PTPRA: variants seen among roughly 807,000 people sequenced by gnomAD.
The protein encoded by PTPRA is protein tyrosine phosphatase receptor type A.
In PTPRA, 25 loss-of-function variants were observed where a neutral mutation model predicts 104.8. The observed-to-expected ratio is 0.24, with a 90% CI of 0.17 to 0.33. PTPRA has a LOEUF of 0.33. PTPRA is among the 10% of genes least tolerant of loss of function. The probability of loss-of-function intolerance (pLI) is 1.00; values close to 1 mark genes in which losing one functional copy is unlikely to be tolerated. For synonymous variants in PTPRA, 323 were observed against 368.9 expected, an observed-to-expected ratio of 0.88 and a Z score of 1.43; for missense variants, 765 against 1,015.3, an observed-to-expected ratio of 0.75 and a Z score of 3.35.
chr20:2,973,611 A>G (rs1014376772), intron 5 of PTPRA, among the ~76,000 whole-genome samples: 2 of 152,168 alleles, frequency 1.3e-5, no homozygotes, highest in African/African-American at 2.4e-5. Flanking sequence ...GGTTAGAGAT[A>G]GTTCTCACCA....
chr20:2,949,262 C>G (rs1273273421), intron 3 of PTPRA, among the ~76,000 whole-genome samples: 1 of 151,318 alleles, frequency 6.6e-6, no homozygotes, highest in Non-Finnish European at 1.5e-5. Flanking sequence ...CAAAGTTACC[C>G]TGTTATTTCC....
chr20:2,918,111 C>CA (rs2059973835), intron 1 of PTPRA, among the ~76,000 whole-genome samples: 1 of 142,536 alleles, frequency 7.0e-6, no homozygotes, highest in African/African-American at 2.6e-5. Context: ...AAAAAAAAGA[C>CA]AGTGTTTTTT....
At position 3,038,295 on chromosome 20, in the gene PTPRA, T is replaced by TA. The variant is rs1299913356; in HGVS notation, c.*162_*163insA. 2 of 604,378 alleles carry TA rather than the reference T, an allele frequency of 3.3e-6. No homozygotes were observed. The highest frequency in any genetic ancestry group is 5.8e-6 in the Non-Finnish European group (2 of 346,722). The allele number at this position is 604,378 out of a possible 1,614,324, so 37.4% of individuals were successfully genotyped here. On this transcript the variant is annotated 3_prime_UTR_variant, in exon 24 of 24. Coordinates refer to ENST00000399903, the MANE Select transcript of PTPRA (RefSeq NM_001385305.1). Reference sequence around the variant, plus strand: ...GGTGGAAATTTTATATGTAAATGTGTTAGCACTGATAGTCCTTTTTCCAAT... The same window carrying TA: ...GGTGGAAATTTTATATGTAAATGTGTATAGCACTGATAGTCCTTTTTCCAAT...
intron 3 of PTPRA, among the ~76,000 whole-genome samples, chr20:2,957,260 G>A (rs1382293638): frequency 4.6e-5 from 7 of 152,192 alleles, no homozygotes; most frequent in Non-Finnish European, 8.8e-5. Context: ...ATTCGAGCCT[G>A]GGCGACAGAG....
intron 5 of PTPRA, among the ~76,000 whole-genome samples, chr20:2,974,650 G>A (rs1187445620): frequency 6.6e-6 from 1 of 152,006 alleles, no homozygotes; most frequent in Non-Finnish European, 1.5e-5. Flanking sequence ...GGCTGGTCTC[G>A]AACTCCTGAC....
rs936561045 is a variant in PTPRA at position 2,964,905 on chromosome 20, G to A, written c.118G>A (p.Ala40Thr). ...GITRLINSST[A>T]EPVKEEAKTS... ...TACAAGATTAATTAACTCATCAACG[G>A]CAGAACCAGTTAAAGAAGAGGCCAA... The change falls in exon 5 of 24, where the codon GCA becomes ACA. Residue 40 changes from alanine to threonine, a missense_variant. Ala to Thr is a moderately conservative substitution (Grantham distance 58). Coordinates refer to ENST00000399903, the MANE Select transcript of PTPRA (RefSeq NM_001385305.1). The A allele has an allele frequency of 6.2e-7, 1 of 1,614,026 alleles. No homozygotes were observed. The highest frequency in any genetic ancestry group is 8.5e-7 in the Non-Finnish European group (1 of 1,179,958).
chr20:2,894,938 G>C (rs535050084), intron 1 of PTPRA, among the ~76,000 whole-genome samples: 15 of 146,002 alleles, frequency 1.0e-4, no homozygotes, highest in African/African-American at 3.8e-4. Flanking sequence ...AGTGAGCAGA[G>C]ATCACGTCAC....
intron 6 of PTPRA, among the ~76,000 whole-genome samples, chr20:2,984,072 A>G (rs1253943419): frequency 6.6e-6 from 1 of 151,902 alleles, no homozygotes; most frequent in Non-Finnish European, 1.5e-5. Context: ...CTAAGAGAGG[A>G]AAGTGCTTCA....
chr20:2,929,576 G>A (rs751286002), intron 2 of PTPRA, among the ~76,000 whole-genome samples: 1 of 152,090 alleles, frequency 6.6e-6, no homozygotes, highest in Non-Finnish European at 1.5e-5. Flanking sequence ...TGTAATCTTA[G>A]TACTTTGGGT....
At chr20:2,899,367 C>A (rs577394647) in intron 1 of PTPRA, among the ~76,000 whole-genome samples, 1 of 152,086 alleles carries the variant, frequency 6.6e-6, no homozygotes, top group Non-Finnish European at 1.5e-5. Context: ...AAACAGCAGG[C>A]GCACCATACT....
At chr20:2,878,317 A>T (rs2089856789) in intron 1 of PTPRA, among the ~76,000 whole-genome samples, 1 of 152,078 alleles carries the variant, frequency 6.6e-6, no homozygotes, top group Non-Finnish European at 1.5e-5. Flanking sequence ...GGGCTAAATG[A>T]TCTTCCCATC....
intron 6 of PTPRA, among the ~76,000 whole-genome samples, chr20:2,986,126 C>T (rs1345389987): frequency 1.4e-4 from 21 of 152,072 alleles, no homozygotes; most frequent in African/African-American, 2.4e-5. Flanking sequence ...AGGCTGGTCT[C>T]GAATACCTTG....
chr20:2,984,301 A>G (rs1335501110), intron 6 of PTPRA, among the ~76,000 whole-genome samples: 3 of 152,178 alleles, frequency 2.0e-5, no homozygotes, highest in Non-Finnish European at 4.4e-5. Context: ...TCCCCACGAA[A>G]GGACCCAGTG....
chr20:3,032,090 C>A (rs914640409), intron 20 of PTPRA, among the ~76,000 whole-genome samples: 5 of 152,232 alleles, frequency 3.3e-5, no homozygotes, highest in Non-Finnish European at 5.9e-5. Flanking sequence ...ATCATACTCA[C>A]ACCTTAGCTT....
intron 6 of PTPRA, among the ~76,000 whole-genome samples, chr20:2,985,545 G>A (rs1600214808): frequency 6.6e-6 from 1 of 152,062 alleles, no homozygotes; most frequent in South Asian, 2.1e-4. Flanking sequence ...GAGTGGAGGC[G>A]GATGAGTCAG....
intron 13 of PTPRA, among the ~76,000 whole-genome samples, chr20:3,020,575 G>T (rs556754548): frequency 1.3e-5 from 2 of 152,278 alleles, no homozygotes; most frequent in African/African-American, 4.8e-5. Flanking sequence ...CTCCTAACTG[G>T]GCCTTTTCCT....
At chr20:2,875,538 A>C (rs1427534445) in intron 1 of PTPRA, among the ~76,000 whole-genome samples, 1 of 152,152 alleles carries the variant, frequency 6.6e-6, no homozygotes, top group African/African-American at 2.4e-5. Flanking sequence ...TACAAAAGTG[A>C]GGAAGTCAGT....
chr20:2,891,302 A>G (rs1158171398), intron 1 of PTPRA, among the ~76,000 whole-genome samples: 1 of 152,184 alleles, frequency 6.6e-6, no homozygotes, highest in Non-Finnish European at 1.5e-5. Flanking sequence ...GATCTCTTTA[A>G]CTTCCCAACT....
intron 1 of PTPRA, among the ~76,000 whole-genome samples, chr20:2,894,073 A>C (rs1166626567): frequency 6.6e-6 from 1 of 152,092 alleles, no homozygotes; most frequent in Admixed American, 6.6e-5. Flanking sequence ...TATTTTTGGT[A>C]TTCCCGTATT....
Sources: allele counts gnomAD v4.1 joint callset (sites outside exome capture counted in the v4.1 genomes callset), GRCh38; gene constraint gnomAD v4.1.1; transcripts MANE v1.5; gene names NCBI Gene and HGNC (gene_info 2026-07-23, HGNC 2026-07-21).